The following NCAPH variants were observed in gnomAD, a reference collection of about 807,000 sequenced individuals.
NCAPH encodes non-SMC condensin I complex subunit H, also known as condensin complex subunit 2.
NCAPH carries 38 observed loss-of-function variants against 85.5 expected under a neutral mutation model. The ratio of observed to expected loss-of-function variants is 0.44; its 90% CI spans 0.34 to 0.58. The LOEUF is 0.58. Ranked by LOEUF, NCAPH falls within the 20% of genes least tolerant of loss-of-function variation. NCAPH has a pLI of 0.01. For missense variants in NCAPH, 789 were observed against 916.6 expected, an observed-to-expected ratio of 0.86 and a Z score of 1.80; for synonymous variants, 301 against 335.1, an observed-to-expected ratio of 0.90 and a Z score of 1.11.
At chr2:96,358,158 A>G (rs1452305722) in intron 9 of NCAPH, among the ~76,000 whole-genome samples, 1 of 152,216 alleles carries the variant, frequency 6.6e-6, no homozygotes, top group Non-Finnish European at 1.5e-5. Context: ...TGAAACTGCC[A>G]TGCTGCACTG....
chr2:96,344,073 C>T (rs2064331373), intron 5 of NCAPH, 32 bp from the exon 6 acceptor site: 1 of 1,594,478 alleles, frequency 6.3e-7, no homozygotes, highest in Non-Finnish European at 8.5e-7. Flanking sequence ...CAAAGCAGCC[C>T]TTGCAGTACG....
intron 17 of NCAPH, among the ~76,000 whole-genome samples, chr2:96,371,595 T>A (rs145989462): frequency 1.2e-3 from 180 of 152,288 alleles, no homozygotes; most frequent in African/African-American, 4.3e-3. Context: ...TGATCAAGTC[T>A]CTTTTTAAGG....
rs985562312 is a variant in NCAPH, at chr2:96,376,293, G to A, written c.*2942G>A. Among the ~76,000 whole-genome samples, 1 of 152,122 alleles carries A rather than the reference G, an allele frequency of 6.6e-6. No individual in the cohort carries two copies. The highest frequency in any genetic ancestry group is 1.5e-5 in the Non-Finnish European group (1 of 68,020). On this transcript the variant is annotated 3_prime_UTR_variant, in exon 18 of 18. Coordinates refer to ENST00000240423, the MANE Select transcript of NCAPH (RefSeq NM_015341.5). ...AATTTGCAAGAGGGAATTGCAATTT[G>A]CAAGAGAGGGGCAATTTGCAATTTG...
intron 1 of NCAPH, among the ~76,000 whole-genome samples, chr2:96,336,203 A>G (rs1350566538): frequency 3.3e-5 from 5 of 152,080 alleles, no homozygotes; most frequent in African/African-American, 1.2e-4. Flanking sequence ...AATAGACGTT[A>G]TTTTCAGGGC....
At chr2:96,345,067 A>G (rs2064345274) in intron 6 of NCAPH, among the ~76,000 whole-genome samples, 1 of 152,256 alleles carries the variant, frequency 6.6e-6, no homozygotes, top group Non-Finnish European at 1.5e-5. Context: ...CACCAAGGAA[A>G]TGAATGTATA....
intron 17 of NCAPH, among the ~76,000 whole-genome samples, chr2:96,372,931 C>G (rs560204229): frequency 6.6e-6 from 1 of 152,090 alleles, no homozygotes; most frequent in Non-Finnish European, 1.5e-5. Context: ...GAACACCCCT[C>G]GAGGATAAGG....
intron 6 of NCAPH, among the ~76,000 whole-genome samples, chr2:96,346,914 G>A (rs755124624): frequency 6.6e-6 from 1 of 152,100 alleles, no homozygotes; most frequent in Admixed American, 6.5e-5. Flanking sequence ...AAGAGACAGT[G>A]TACTGGATGG....
chr2:96,358,763 C>T (rs1318653322), intron 9 of NCAPH, among the ~76,000 whole-genome samples: 1 of 152,162 alleles, frequency 6.6e-6, no homozygotes, highest in Non-Finnish European at 1.5e-5. Context: ...CCACCGCGCC[C>T]AGCCAAAAGA....
rs546138970 is a variant in NCAPH at position 96,343,300 on chromosome 2, T to G, written c.591T>G (p.Val197=). The change falls in exon 5 of 18, where the codon GTT becomes GTG. Residue 197 remains valine (V), a synonymous_variant. Transcript: ENST00000240423. ...CTTTGGAAGAAGTAGAAGGCCATGT[T>G]GCTGGTAGGTGGGTAGGGATCTGGA... ...APSLEEVEGH[V]ADGSATEMGT... 6.2e-7 allele frequency: 1 copy of G among 1,612,272 alleles called. No individual in the cohort carries two copies. Among genetic ancestry groups the G allele is most frequent in the South Asian group, 1.1e-5 (1 of 90,800 alleles).
intron 9 of NCAPH, among the ~76,000 whole-genome samples, chr2:96,355,663 A>T: frequency 7.0e-6 from 1 of 141,986 alleles, no homozygotes. Context: ...TTTTTTTGAG[A>T]CAGAGTCTCG....
intron 17 of NCAPH, among the ~76,000 whole-genome samples, chr2:96,369,848 G>A (rs1649891349): frequency 6.6e-6 from 1 of 152,224 alleles, no homozygotes; most frequent in African/African-American, 2.4e-5. Flanking sequence ...CAAGACATAT[G>A]GGAGACATGG....
At chr2:96,351,309 A>G (rs1416321553) in intron 6 of NCAPH, among the ~76,000 whole-genome samples, 1 of 152,204 alleles carries the variant, frequency 6.6e-6, no homozygotes, top group African/African-American at 2.4e-5. Flanking sequence ...CTTCTGGAGC[A>G]GTATATGTTT....
chr2:96,360,272 T>A, intron 11 of NCAPH, 23 bp downstream of exon 11: 1 of 1,267,628 alleles, frequency 7.9e-7, no homozygotes, highest in South Asian at 1.3e-5. Flanking sequence ...TTTATTAGGA[T>A]TGTGCTTACT....
chr2:96,349,742 G>T (rs920732834), intron 6 of NCAPH, among the ~76,000 whole-genome samples: 10 of 152,292 alleles, frequency 6.6e-5, no homozygotes, highest in African/African-American at 2.4e-4. Flanking sequence ...CTTTATATAT[G>T]AGCCGATCTC....
chr2:96,341,089 G>A (rs1366339410), intron 1 of NCAPH, among the ~76,000 whole-genome samples: 2 of 152,184 alleles, frequency 1.3e-5, no homozygotes, highest in Non-Finnish European at 2.9e-5. Flanking sequence ...GTGGTGACTG[G>A]TAGAGTTTTT....
At chr2:96,353,284 G>A (rs1376086206) in intron 7 of NCAPH, 22 bp from the exon 8 acceptor site, 3 of 1,605,584 alleles carry the variant, frequency 1.9e-6, no homozygotes, top group African/African-American at 1.3e-5. Flanking sequence ...ATCTCTCTTT[G>A]TGATCTTGCT....
At chr2:96,361,828 A>ATATT (rs1457258768) in intron 12 of NCAPH, among the ~76,000 whole-genome samples, 26 of 108,014 alleles carry the variant, frequency 2.4e-4, no homozygotes, top group African/African-American at 1.0e-3. Context: ...ATATATATAT[A>ATATT]TTTTTTTTTT....
At chr2:96,337,293 T>A (rs1210189550) in intron 1 of NCAPH, among the ~76,000 whole-genome samples, 2 of 152,250 alleles carry the variant, frequency 1.3e-5, no homozygotes, top group Admixed American at 1.3e-4. Flanking sequence ...TCTCCAAAGG[T>A]CCAGGTTCCT....
chr2:96,338,241 G>GAAAAAAAAAAAA (rs34560390), intron 1 of NCAPH, among the ~76,000 whole-genome samples: 11 of 80,778 alleles, frequency 1.4e-4, no homozygotes, highest in African/African-American at 2.0e-4. Context: ...CTATTTTATT[G>GAAAAAAAAAAAA]AAAAAAAAAA....
Sources: allele counts gnomAD v4.1 joint callset (sites outside exome capture counted in the v4.1 genomes callset), GRCh38; gene constraint gnomAD v4.1.1; transcripts MANE v1.5; gene names NCBI Gene and HGNC (gene_info 2026-07-23, HGNC 2026-07-21).